The following PCDHA13 variants were observed in gnomAD, a reference collection of about 807,000 sequenced individuals.
PCDHA13 encodes protocadherin alpha-13.
Under a neutral mutation model 64.8 loss-of-function variants are expected in PCDHA13, and 54 were observed. The ratio of observed to expected loss-of-function variants is 0.83; its 90% CI spans 0.67 to 1.04. The LOEUF (loss-of-function observed/expected upper bound fraction) is 1.04. PCDHA13 is among the 50% of genes least tolerant of loss of function. The probability of loss-of-function intolerance (pLI) is 0.00; values close to 1 mark genes in which losing one functional copy is unlikely to be tolerated. For synonymous variants in PCDHA13, 587 were observed against 564.4 expected (o/e 1.04, Z -0.57); for missense variants, 1,248 against 1,254.3 (o/e 0.99, Z 0.08).
intron 1 of PCDHA13, among the ~76,000 whole-genome samples, chr5:140,900,786 A>C (rs888308882): frequency 2.0e-5 from 3 of 152,152 alleles, no homozygotes; most frequent in African/African-American, 7.2e-5. Flanking sequence ...GAAACTCCAA[A>C]CTGTTCTCCA....
At chr5:140,974,894 A>C (rs1554236433) in intron 1 of PCDHA13, among the ~76,000 whole-genome samples, 2 of 152,184 alleles carry the variant, frequency 1.3e-5, no homozygotes, top group Admixed American at 6.5e-5. Context: ...TTTTCTGATG[A>C]TTTGTAACAA....
chr5:140,898,206 T>G (rs1554187858), intron 1 of PCDHA13, among the ~76,000 whole-genome samples: 2 of 152,214 alleles, frequency 1.3e-5, no homozygotes. Context: ...AGATCCCATT[T>G]GTCAATTTTG....
intron 1 of PCDHA13, among the ~76,000 whole-genome samples, chr5:140,885,444 T>C (rs2060598536): frequency 1.3e-5 from 2 of 152,198 alleles, no homozygotes; most frequent in South Asian, 2.1e-4. Flanking sequence ...TGCAATTATA[T>C]ATTATTTACC....
At chr5:140,967,128 T>G in intron 1 of PCDHA13, 14 of 1,612,170 alleles carry the variant, frequency 8.7e-6, no homozygotes, top group Non-Finnish European at 1.1e-5. Flanking sequence ...CTGCTCAGCT[T>G]GGAAGTGCTG....
chr5:140,993,462 T>TCACACACACACACA (rs3836747), intron 3 of PCDHA13, among the ~76,000 whole-genome samples: 3 of 140,938 alleles, frequency 2.1e-5, no homozygotes, highest in African/African-American at 5.3e-5. Flanking sequence ...TCTTTCTTTC[T>TCACACACACACACA]CACACACACA....
intron 1 of PCDHA13, among the ~76,000 whole-genome samples, chr5:140,950,472 T>C (rs782525513): frequency 2.0e-5 from 3 of 152,084 alleles, no homozygotes; most frequent in East Asian, 1.9e-4. Context: ...TCATAGTTTC[T>C]GATGAGAAGT....
intron 1 of PCDHA13, among the ~76,000 whole-genome samples, chr5:140,977,768 A>G (rs1264929933): frequency 1.3e-5 from 2 of 152,218 alleles, no homozygotes; most frequent in Non-Finnish European, 1.5e-5. Context: ...AATACTTTGC[A>G]TCCCTTAAAG....
chr5:140,971,452 T>G (rs1554233345), intron 1 of PCDHA13, among the ~76,000 whole-genome samples: 1 of 152,088 alleles, frequency 6.6e-6, no homozygotes, highest in Admixed American at 6.5e-5. Context: ...CTCCAGAAAT[T>G]TTTGCAGTTA....
chr5:140,913,219 C>A (rs2076256091), intron 1 of PCDHA13, among the ~76,000 whole-genome samples: 2 of 152,122 alleles, frequency 1.3e-5, no homozygotes, highest in Non-Finnish European at 2.9e-5. Context: ...GGGTCCCAGG[C>A]TTTACTTTGC....
intron 3 of PCDHA13, among the ~76,000 whole-genome samples, chr5:140,982,794 CAT>C (rs1491349118): frequency 4.0e-5 from 6 of 150,946 alleles, no homozygotes; most frequent in Admixed American, 1.3e-4. Context: ...CGCATGTGTG[CAT>C]GTGTGTGTGT....
At chr5:140,960,737 G>T (rs2095566221) in intron 1 of PCDHA13, among the ~76,000 whole-genome samples, 1 of 145,230 alleles carries the variant, frequency 6.9e-6, no homozygotes, top group South Asian at 2.2e-4. Context: ...CATGATTTTA[G>T]TCCATGGCTA....
chr5:140,898,358 A>T (rs2153460143), intron 1 of PCDHA13, among the ~76,000 whole-genome samples: 1 of 152,260 alleles, frequency 6.6e-6, no homozygotes, highest in Non-Finnish European at 1.5e-5. Flanking sequence ...TCTTGAATTA[A>T]TTTTTGTATA....
chr5:140,906,718 G>C (rs1554192673), intron 1 of PCDHA13, among the ~76,000 whole-genome samples: 1 of 152,140 alleles, frequency 6.6e-6, no homozygotes, highest in Admixed American at 6.5e-5. Flanking sequence ...TGCCTGGATT[G>C]TGCTGTTGTA....
chr5:140,898,542 T>G (rs368410152), intron 1 of PCDHA13, among the ~76,000 whole-genome samples: 2 of 152,286 alleles, frequency 1.3e-5, no homozygotes, highest in East Asian at 3.9e-4. Context: ...CTGTTCCATT[T>G]ATCTATGTCT....
chr5:140,928,401 C>T, intron 1 of PCDHA13: 1 of 1,614,028 alleles, frequency 6.2e-7, no homozygotes, highest in Non-Finnish European at 8.5e-7. Flanking sequence ...TGGAATCATC[C>T]AGTGGGGCCA....
chr5:140,906,382 G>A (rs1384682039), intron 1 of PCDHA13, among the ~76,000 whole-genome samples: 2 of 152,072 alleles, frequency 1.3e-5, no homozygotes, highest in Non-Finnish European at 2.9e-5. Context: ...ATTACATAAA[G>A]TTAACATTTA....
At chr5:140,933,338 G>T (rs2089065952) in intron 1 of PCDHA13, among the ~76,000 whole-genome samples, 1 of 151,926 alleles carries the variant, frequency 6.6e-6, no homozygotes, top group South Asian at 2.1e-4. Context: ...TGTAGAGAAA[G>T]ATAAACACTT....
intron 3 of PCDHA13, among the ~76,000 whole-genome samples, chr5:140,997,328 G>A (rs76646758): frequency 0.013 from 1,948 of 152,070 alleles, 47 homozygotes; most frequent in African/African-American, 0.045. Flanking sequence ...CAGTTTTTTC[G>A]TTGTACAAAT....
chr5:140,978,994 G>A lies in PCDHA13; in HGVS notation c.2440G>A (p.Ala814Thr). The A allele has an allele frequency of 6.2e-7, 1 of 1,614,152 alleles. No homozygotes were observed. The highest frequency in any genetic ancestry group is 8.5e-7 in the Non-Finnish European group (1 of 1,180,022). The change falls in exon 2 of 4, where the codon GCA (alanine) becomes ACA (threonine). Residue 814 changes from alanine to threonine, a missense_variant. Coordinates refer to ENST00000289272, the MANE Select transcript of PCDHA13 (RefSeq NM_018904.3). ...CTGGCGTTACTCTGCCTCCCTGAGA[G>A]CAGGCATGCACAGGTATGTATTTCC... ...PDWRYSASLR[A>T]GMHSSVHLEE... is the part of the protein sequence containing the mutation.
Sources: gnomAD v4.1 joint callset for allele counts (sites outside exome capture counted in the v4.1 genomes callset) on GRCh38, gnomAD v4.1.1 for gene constraint, MANE v1.5 for transcripts, NCBI Gene and HGNC (gene_info 2026-07-23, HGNC 2026-07-21) for gene names.